Variants in DISP1 observed in about 807,000 individuals in gnomAD.
DISP1 encodes protein dispatched homolog 1.
Under a neutral mutation model 37.3 loss-of-function variants are expected in DISP1, and 30 were observed. The ratio of observed to expected loss-of-function variants is 0.80; its 90% CI spans 0.60 to 1.09. DISP1 has a LOEUF of 1.09. DISP1 is among the 50% of genes least tolerant of loss of function. The pLI, the probability that DISP1 is intolerant of heterozygous loss-of-function variation, is 0.00. For missense variants in DISP1, 1,598 were observed against 1,879.5 expected (o/e 0.85, Z 2.77); for synonymous variants, 634 against 690.2 (o/e 0.92, Z 1.28).
chr1:222,968,157 T>C (rs1185841512), intron 3 of DISP1, among the ~76,000 whole-genome samples: 1 of 152,116 alleles, frequency 6.6e-6, no homozygotes, highest in Non-Finnish European at 1.5e-5. Flanking sequence ...TTCCATAAAG[T>C]CAAACTGCTT....
chr1:222,900,223 A>G (rs564782341), intron 1 of DISP1, among the ~76,000 whole-genome samples: 4 of 152,206 alleles, frequency 2.6e-5, no homozygotes, highest in East Asian at 3.8e-4. Context: ...TTGAATGTCA[A>G]TTCTATCACT....
At chr1:222,836,257 G>T (rs1667002376) in intron 1 of DISP1, among the ~76,000 whole-genome samples, 1 of 152,188 alleles carries the variant, frequency 6.6e-6, no homozygotes, top group African/African-American at 2.4e-5. Flanking sequence ...CTGTGACTGT[G>T]AAGGTTTCTT....
At chr1:222,939,733 G>A (rs1019261215) in intron 2 of DISP1, among the ~76,000 whole-genome samples, 1 of 151,942 alleles carries the variant, frequency 6.6e-6, no homozygotes, top group Non-Finnish European at 1.5e-5. Flanking sequence ...AGGAGGCTGA[G>A]GTGGGAGAAT....
At chr1:222,957,611 T>G (rs1215188793) in intron 3 of DISP1, among the ~76,000 whole-genome samples, 1 of 151,908 alleles carries the variant, frequency 6.6e-6, no homozygotes, top group Non-Finnish European at 1.5e-5. Flanking sequence ...AAAAATAAAA[T>G]AAAGGGATTT....
At chr1:222,920,199 G>T (rs927314187) in intron 1 of DISP1, among the ~76,000 whole-genome samples, 2 of 152,176 alleles carry the variant, frequency 1.3e-5, no homozygotes, top group African/African-American at 4.8e-5. Flanking sequence ...TAGAGTTTGG[G>T]AACAAAATAC....
rs1673856606 is a variant in DISP1 at position 222,936,835 on chromosome 1, A to ATATATCACATATATGACATATAAAT, written c.-17-5967_-17-5966insCACATATATGACATATAAATTATAT. On this transcript the variant is annotated intron_variant, in intron 2 of 8. Coordinates refer to ENST00000675850, the MANE Select transcript of DISP1 (RefSeq NM_001377229.1). ...AAATTATATATAATATATATAAATT[A>ATATATCACATATATGACATATAAAT]TATATATCATATATATGATATATAA... 1.5e-3 allele frequency among the ~76,000 whole-genome samples: 60 copies of ATATATCACATATATGACATATAAAT among 38,936 alleles called. 1 individual carries two copies. The highest frequency in any genetic ancestry group is 2.0e-3 in the South Asian group (2 of 1,012). 25.5% of individuals were successfully genotyped at this position (38,936 alleles called of 152,430 possible). A position where few individuals can be genotyped will look rare whatever the true frequency, so the allele number is the denominator to read the frequency against.
At chr1:222,962,574 A>C (rs1399954114) in intron 3 of DISP1, among the ~76,000 whole-genome samples, 1 of 152,238 alleles carries the variant, frequency 6.6e-6, no homozygotes, top group African/African-American at 2.4e-5. Context: ...ACTGGTACCA[A>C]AACAGACATA....
intron 1 of DISP1, among the ~76,000 whole-genome samples, chr1:222,848,496 G>T (rs975227179): frequency 6.6e-6 from 1 of 152,062 alleles, no homozygotes; most frequent in Non-Finnish European, 1.5e-5. Context: ...TTTGTGTATG[G>T]AATGGCAAAA....
rs779753010 is a variant in DISP1, at chr1:222,991,996, TTG to T, written c.792-15_792-14del. On this transcript the variant is annotated splice_polypyrimidine_tract_variant and intron_variant, in intron 6 of 8. Transcript: ENST00000675850. ...AACGAGAACTTTATTGAAGATCAAATTGTCGTTCCATTTCAGCCATCGGGATG... is the reference window on the plus strand; with the variant it reads ...AACGAGAACTTTATTGAAGATCAAATTCGTTCCATTTCAGCCATCGGGATG... The T allele has an allele frequency of 3.8e-6, 6 of 1,588,816 alleles. No individual in the cohort carries two copies.
chr1:222,871,648 A>G (rs1266269469), intron 1 of DISP1, among the ~76,000 whole-genome samples: 1 of 152,188 alleles, frequency 6.6e-6, no homozygotes, highest in Non-Finnish European at 1.5e-5. Context: ...GCATCCTGAG[A>G]CTTTGCTGAA....
chr1:222,984,588 A>G lies in DISP1; in HGVS notation c.539+1479A>G, dbSNP rs563630479. 2.0e-5 allele frequency among the ~76,000 whole-genome samples: 3 copies of G among 151,458 alleles called. No homozygotes were observed. The South Asian group carries it at 6.3e-4, about 32-fold the overall frequency. On this transcript the variant is annotated intron_variant, in intron 4 of 8. Transcript: ENST00000675850. The stretch of plus-strand genomic sequence containing the variant: ...ATACTTTAAATGTTATAACATGTTT[A>G]TATGTTATATATGTTGTATATATAA...
Position 223,002,679 on chromosome 1 carries a change from C to G in DISP1, c.1282C>G (p.Leu428Val), listed in dbSNP as rs1284008829. 2 of 1,614,170 alleles carry G rather than the reference C, an allele frequency of 1.2e-6. No individual in the cohort carries two copies. The highest frequency in any genetic ancestry group is 3.3e-5 in the Admixed American group (2 of 60,018). The change falls in exon 9 of 9, where the codon CTC becomes GTC. Residue 428 changes from leucine (L) to valine (V), a missense_variant. Coordinates refer to ENST00000675850, the MANE Select transcript of DISP1 (RefSeq NM_001377229.1). ...CAAGTACAATGCTGTGTACCAGATC[C>G]TCCATTACTTGGTGGACAAAGACTT... is the stretch of plus-strand genomic sequence containing the variant. Reference protein sequence around the residue: ...CTKYNAVYQILHYLVDKDFMT... With the variant: ...CTKYNAVYQIVHYLVDKDFMT...
Position 223,004,605 on chromosome 1 carries a change from G to A in DISP1, c.3208G>A (p.Gly1070Ser). The A allele has an allele frequency of 6.2e-7, 1 of 1,614,090 alleles. No homozygotes were observed. Among genetic ancestry groups the A allele is most frequent in the Non-Finnish European group, 8.5e-7 (1 of 1,179,954 alleles). ...YRLAPDPDRE[G>S]KVIFSLSRVG... ...CTTGGCTCCAGATCCCGACCGAGAA[G>A]GCAAAGTGATCTTCTCTCTGAGTCG... The change falls in exon 9 of 9, where the codon GGC becomes AGC. Residue 1070 changes from glycine to serine, a missense_variant. Coordinates refer to ENST00000675850, the MANE Select transcript of DISP1 (RefSeq NM_001377229.1). The surrounding 1 kb of genome is among the most constrained non-coding windows in gnomAD (Gnocchi z 4.9).
intron 1 of DISP1, among the ~76,000 whole-genome samples, chr1:222,927,308 T>C (rs1673143896): frequency 6.6e-6 from 1 of 152,182 alleles, no homozygotes; most frequent in South Asian, 2.1e-4. Flanking sequence ...CTAATGACGT[T>C]GAACATCTTT....
At chr1:222,828,303 T>G (rs1288135371) in intron 1 of DISP1, among the ~76,000 whole-genome samples, 1 of 152,198 alleles carries the variant, frequency 6.6e-6, no homozygotes, top group Admixed American at 6.5e-5. Flanking sequence ...TGAACTGTGT[T>G]GGAAGTTTTC....
intron 1 of DISP1, among the ~76,000 whole-genome samples, chr1:222,906,944 G>A (rs1302443156): frequency 1.3e-5 from 2 of 152,150 alleles, no homozygotes; most frequent in African/African-American, 2.4e-5. Context: ...TGAGGTGTTC[G>A]GAGTTGATTT....
rs1225969320 is a variant in DISP1 at position 222,984,415 on chromosome 1, A to ATATATATAT, written c.539+1306_539+1307insTATATATAT. Among the ~76,000 whole-genome samples the ATATATATAT allele has an allele frequency of 1.9e-4, 11 of 58,320 alleles. No homozygotes were observed. The South Asian group carries it at 3.5e-3, about 19-fold the overall frequency. The allele number at this position is 58,320 out of a possible 152,430, so 38.3% of individuals were successfully genotyped here. On this transcript the variant is annotated intron_variant, in intron 4 of 8. Coordinates refer to ENST00000675850, the MANE Select transcript of DISP1 (RefSeq NM_001377229.1). Reference sequence around the variant, plus strand: ...CCAGACTCTGTCTCAAAAAAAAAAAAAAAAAAATATATATATATATAGAGA... The same window carrying ATATATATAT: ...CCAGACTCTGTCTCAAAAAAAAAAAATATATATATAAAAAAATATATATATATATAGAGA...
chr1:222,904,101 T>A (rs1671765629), intron 1 of DISP1, among the ~76,000 whole-genome samples: 1 of 152,234 alleles, frequency 6.6e-6, no homozygotes, highest in African/African-American at 2.4e-5. Flanking sequence ...TTGGGAAGGA[T>A]GAAGCTAGTA....
intron 2 of DISP1, among the ~76,000 whole-genome samples, chr1:222,938,800 G>A (rs945941328): frequency 4.0e-5 from 6 of 150,578 alleles, no homozygotes; most frequent in Admixed American, 2.7e-4. Flanking sequence ...ATGAAGAGGG[G>A]GAAGGGATGA....
Sources: allele counts gnomAD v4.1 joint callset (sites outside exome capture counted in the v4.1 genomes callset), GRCh38; gene constraint gnomAD v4.1.1; non-coding constraint Gnocchi (gnomAD v3.1); transcripts MANE v1.5; gene names NCBI Gene and HGNC (gene_info 2026-07-23, HGNC 2026-07-21).